Variants in LHFPL3 observed in about 807,000 individuals in gnomAD.
The protein encoded by LHFPL3 is LHFPL tetraspan subfamily member 3 protein.
Under a neutral mutation model 19.3 loss-of-function variants are expected in LHFPL3, and 5 were observed. That is an observed-to-expected ratio of 0.26 (90% CI 0.14 to 0.54). The LOEUF is 0.54. LHFPL3 is among the 20% of genes least tolerant of loss of function. The pLI, the probability that LHFPL3 is intolerant of heterozygous loss-of-function variation, is 0.94. For missense variants in LHFPL3, 249 were observed against 307.4 expected (o/e 0.81, Z 1.42); for synonymous variants, 133 against 126.2 (o/e 1.05, Z -0.36).
chr7:104,463,504 T>C (rs1366448936), intron 1 of LHFPL3, among the ~76,000 whole-genome samples: 2 of 152,194 alleles, frequency 1.3e-5, no homozygotes, highest in Non-Finnish European at 2.9e-5. Context: ...ATGCTGCTAA[T>C]AAAGACATAC....
intron 1 of LHFPL3, among the ~76,000 whole-genome samples, chr7:104,514,835 A>T (rs41056): frequency 6.6e-6 from 1 of 152,014 alleles, no homozygotes; most frequent in Non-Finnish European, 1.5e-5. Context: ...AAGAACCAGG[A>T]GACTGAGCTT....
chr7:104,639,939 T>G (rs1035509925), intron 1 of LHFPL3, among the ~76,000 whole-genome samples: 1 of 152,120 alleles, frequency 6.6e-6, no homozygotes, highest in Non-Finnish European at 1.5e-5. Flanking sequence ...GAAAATAAAG[T>G]CTTAGATTAT....
intron 2 of LHFPL3, among the ~76,000 whole-genome samples, chr7:104,898,464 T>C (rs184034272): frequency 2.1e-4 from 32 of 152,294 alleles, no homozygotes; most frequent in African/African-American, 7.7e-4. Flanking sequence ...ATCTGTTAAT[T>C]AATTGGTTTT....
chr7:104,513,066 GATAAAA>G (rs1235653693), intron 1 of LHFPL3, among the ~76,000 whole-genome samples: 1 of 152,142 alleles, frequency 6.6e-6, no homozygotes, highest in African/African-American at 2.4e-5. Flanking sequence ...CCCACAAGAT[GATAAAA>G]ATAAAATATG....
At chr7:104,515,946 T>G (rs779281406) in intron 1 of LHFPL3, among the ~76,000 whole-genome samples, 4 of 152,138 alleles carry the variant, frequency 2.6e-5, no homozygotes, top group Admixed American at 2.6e-4. Flanking sequence ...GTTACCCAGT[T>G]CCAAAGTCGC....
At chr7:104,612,640 C>T (rs758375201) in intron 1 of LHFPL3, among the ~76,000 whole-genome samples, 24 of 152,256 alleles carry the variant, frequency 1.6e-4, no homozygotes, top group Non-Finnish European at 3.2e-4. Context: ...ATAAAAAGAA[C>T]TCTCAAGGAA....
chr7:104,816,427 A>G (rs6975741), intron 2 of LHFPL3, among the ~76,000 whole-genome samples: 83,220 of 152,088 alleles, frequency 0.55, 24,050 homozygotes, highest in Middle Eastern at 0.7. Context: ...GCATTTACCA[A>G]AGATAATCAG....
chr7:104,495,156 C>G (rs750553887), intron 1 of LHFPL3, among the ~76,000 whole-genome samples: 2 of 152,170 alleles, frequency 1.3e-5, no homozygotes, highest in Non-Finnish European at 2.9e-5. Context: ...CAACCCCTTC[C>G]CCTTCCAACC....
intron 1 of LHFPL3, among the ~76,000 whole-genome samples, chr7:104,331,512 C>T (rs1801566623): frequency 6.8e-6 from 1 of 147,494 alleles, no homozygotes; most frequent in Non-Finnish European, 1.5e-5. Flanking sequence ...GGATCTGTCA[C>T]TCATTCACAG....
At chr7:104,461,360 C>T (rs544359434) in intron 1 of LHFPL3, among the ~76,000 whole-genome samples, 52 of 152,258 alleles carry the variant, frequency 3.4e-4, no homozygotes, top group African/African-American at 1.2e-3. Flanking sequence ...CCATATCATC[C>T]ATCTTGAGTT....
chr7:104,833,038 T>TCTATTATATATAATAG (rs1554349391), intron 2 of LHFPL3, among the ~76,000 whole-genome samples: 10 of 21,606 alleles, frequency 4.6e-4, no homozygotes, highest in Admixed American at 1.1e-3. Context: ...ATATTATATA[T>TCTATTATATATAATAG]ATATATTATA....
At chr7:104,776,074 G>A (rs909788105) in intron 2 of LHFPL3, among the ~76,000 whole-genome samples, 1 of 152,162 alleles carries the variant, frequency 6.6e-6, no homozygotes, top group Non-Finnish European at 1.5e-5. Context: ...TAAAGCCAAA[G>A]AATGGTATAA....
intron 1 of LHFPL3, among the ~76,000 whole-genome samples, chr7:104,723,707 G>A (rs1793530299): frequency 9.6e-6 from 1 of 104,644 alleles, no homozygotes; most frequent in Admixed American, 1.5e-4. Flanking sequence ...GGGCGACAGA[G>A]CAAGACTATG....
At chr7:104,580,087 G>A (rs1248764900) in intron 1 of LHFPL3, among the ~76,000 whole-genome samples, 1 of 152,148 alleles carries the variant, frequency 6.6e-6, no homozygotes, top group East Asian at 1.9e-4. Context: ...CAATGTACTT[G>A]CAGAGACCCT....
chr7:104,504,784 A>C (rs1255955556), intron 1 of LHFPL3, among the ~76,000 whole-genome samples: 3 of 152,208 alleles, frequency 2.0e-5, no homozygotes, highest in Non-Finnish European at 4.4e-5. Flanking sequence ...ATTCAAGATA[A>C]CTTACTCAGG....
At chr7:104,701,755 A>G (rs1027082140) in intron 1 of LHFPL3, among the ~76,000 whole-genome samples, 1 of 152,168 alleles carries the variant, frequency 6.6e-6, no homozygotes, top group African/African-American at 2.4e-5. Flanking sequence ...GGTATTGTCT[A>G]TTTTTACTCA....
At position 104,817,551 on chromosome 7, in the gene LHFPL3, CTT is replaced by C. The variant is rs576604462; in HGVS notation, c.682+80642_682+80643del. On this transcript the variant is annotated intron_variant, in intron 2 of 2. Coordinates refer to ENST00000424859, the MANE Select transcript of LHFPL3 (RefSeq NM_199000.3). ...ATTGTGTTTAGGTCCATAGCATACTCTTTACTTTGTTCATCTCTCTCACACTG... is the reference window on the plus strand; with the variant it reads ...ATTGTGTTTAGGTCCATAGCATACTCTACTTTGTTCATCTCTCTCACACTG... Among the ~76,000 whole-genome samples, 765 of 152,318 alleles carry C rather than the reference CTT, an allele frequency of 5.0e-3. 6 individuals are homozygous for C. Among genetic ancestry groups the C allele is most frequent in the African/African-American group, 0.017 (726 of 41,560 alleles).
Position 104,656,547 on chromosome 7 carries a change from T to C in LHFPL3, c.446-80128T>C, listed in dbSNP as rs78833881. 5.1e-3 allele frequency among the ~76,000 whole-genome samples: 770 copies of C among 152,346 alleles called. 41 individuals carry two copies. The East Asian group carries it at 0.11, about 22-fold the overall frequency. On this transcript the variant is annotated intron_variant, in intron 1 of 2. Coordinates refer to ENST00000424859, the MANE Select transcript of LHFPL3 (RefSeq NM_199000.3). ...CTGATATATGACCCTGAGTAAGGGA[T>C]AGATCGTGCATGGGCATCTTTCCCT...
At chr7:104,750,423 C>G (rs975901877) in intron 2 of LHFPL3, among the ~76,000 whole-genome samples, 1 of 152,192 alleles carries the variant, frequency 6.6e-6, no homozygotes, top group African/African-American at 2.4e-5. Flanking sequence ...TAATGTATGG[C>G]AGGAGTAATA....
Sources: gnomAD v4.1 joint callset for allele counts (sites outside exome capture counted in the v4.1 genomes callset) on GRCh38, gnomAD v4.1.1 for gene constraint, MANE v1.5 for transcripts, NCBI Gene and HGNC (gene_info 2026-07-23, HGNC 2026-07-21) for gene names.